The following CLINT1 variants were observed in gnomAD, a reference collection of about 807,000 sequenced individuals.
CLINT1 encodes clathrin interacting protein localized in the trans-Golgi region.
A neutral mutation model predicts 70.4 loss-of-function variants in CLINT1; 15 were observed. That is an observed-to-expected ratio of 0.21 (90% CI 0.14 to 0.33). The LOEUF is 0.33. Among genes scored for constraint, CLINT1 ranks in the 10% least tolerant of loss-of-function variants. The probability of loss-of-function intolerance (pLI) is 1.00; values close to 1 mark genes in which losing one functional copy is unlikely to be tolerated. For missense variants in CLINT1, 615 were observed against 778.1 expected (o/e 0.79, Z 2.49); for synonymous variants, 227 against 254.7 (o/e 0.89, Z 1.04).
intron 1 of CLINT1, among the ~76,000 whole-genome samples, 187 bp downstream of exon 1, chr5:157,858,743 G>C (rs1441788391): frequency 6.6e-6 from 1 of 152,168 alleles, no homozygotes; most frequent in Admixed American, 6.5e-5. Flanking sequence ...TAAAACGAGG[G>C]AGGGTCCCTC....
At chr5:157,809,867 AG>A in intron 5 of CLINT1, 62 bp from the exon 6 acceptor site, 1 of 1,466,498 alleles carries the variant, frequency 6.8e-7, no homozygotes, top group Non-Finnish European at 9.3e-7. Flanking sequence ...GGTATCTACA[AG>A]TCCTTATTTC....
At chr5:157,858,624 AAAC>A (rs1753830616) in intron 1 of CLINT1, among the ~76,000 whole-genome samples, 1 of 152,204 alleles carries the variant, frequency 6.6e-6, no homozygotes, top group Non-Finnish European at 1.5e-5. Flanking sequence ...ACCCAGCGCC[AAAC>A]AACCCGCCCC....
chr5:157,829,835 GC>G (rs1445326810), intron 1 of CLINT1, among the ~76,000 whole-genome samples: 1 of 150,336 alleles, frequency 6.7e-6, no homozygotes, highest in Non-Finnish European at 1.5e-5. Flanking sequence ...GAGCCACTGT[GC>G]CCCGCCAATA....
intron 6 of CLINT1, among the ~76,000 whole-genome samples, chr5:157,807,775 CAAAGA>C (rs1245514997): frequency 6.6e-6 from 1 of 151,708 alleles, no homozygotes; most frequent in Admixed American, 6.6e-5. Context: ...AGTAGAGAGA[CAAAGA>C]AAAGAAAAAC....
chr5:157,849,703 T>C (rs1753504653), intron 1 of CLINT1, among the ~76,000 whole-genome samples: 1 of 152,250 alleles, frequency 6.6e-6, no homozygotes, highest in Non-Finnish European at 1.5e-5. Context: ...GTGCCCAATT[T>C]CCTCATAAGA....
rs554686951 is a variant in CLINT1 at position 157,800,407 on chromosome 5, A to G, written c.1012+3243T>C. ...CACCCAAATGACATACCAAATAGCA[A>G]TGTTAATATGGTAGATTCTTATACC... is the stretch of plus-strand genomic sequence containing the variant. On this transcript the variant is annotated intron_variant, in intron 8 of 11. Transcript: ENST00000411809. Among the ~76,000 whole-genome samples, 5 of 152,260 alleles carry G rather than the reference A, an allele frequency of 3.3e-5. No individual in the cohort carries two copies. The East Asian group carries it at 7.7e-4, about 23-fold the overall frequency.
Position 157,787,476 on chromosome 5 carries a change from T to C in CLINT1, c.*170A>G, listed in dbSNP as rs1228194963. 9.3e-6 allele frequency: 6 copies of C among 647,764 alleles called. No homozygotes were observed. The highest frequency in any genetic ancestry group is 1.3e-5 in the Non-Finnish European group (5 of 380,250). 40.1% of individuals were successfully genotyped at this position (647,764 alleles called of 1,614,324 possible). The stretch of plus-strand genomic sequence containing the variant: ...CATCTGAAGTGCTCTTGCCTGGCCC[T>C]CTGAAATACTGGATATTTCACTTTT... On this transcript the variant is annotated 3_prime_UTR_variant, in exon 12 of 12. Coordinates refer to ENST00000411809, the MANE Select transcript of CLINT1 (RefSeq NM_014666.4).
chr5:157,830,601 C>A (rs1356323548), intron 1 of CLINT1, among the ~76,000 whole-genome samples: 1 of 151,774 alleles, frequency 6.6e-6, no homozygotes, highest in Non-Finnish European at 1.5e-5. Context: ...TAAGGGCTGG[C>A]AAGATGGTTC....
At chr5:157,802,979 C>T (rs529545832) in intron 8 of CLINT1, among the ~76,000 whole-genome samples, 6 of 152,322 alleles carry the variant, frequency 3.9e-5, no homozygotes, top group African/African-American at 1.2e-4. Context: ...ACTTGACCTT[C>T]GCATGAGGAC....
chr5:157,812,053 T>C (rs1176729361), intron 5 of CLINT1, among the ~76,000 whole-genome samples: 1 of 152,170 alleles, frequency 6.6e-6, no homozygotes, highest in Non-Finnish European at 1.5e-5. Context: ...AACTAACTTG[T>C]ATTTGATGCT....
chr5:157,845,419 T>C (rs1385177590), intron 1 of CLINT1, among the ~76,000 whole-genome samples: 1 of 152,130 alleles, frequency 6.6e-6, no homozygotes, highest in Non-Finnish European at 1.5e-5. Context: ...AATTTTTTAA[T>C]TTGTGTGAGG....
intron 10 of CLINT1, chr5:157,789,873 A>C (rs1761849143): frequency 3.1e-6 from 1 of 322,990 alleles, no homozygotes; most frequent in East Asian, 7.2e-5. Context: ...TACAGCTTTA[A>C]GGAGATACAC....
chr5:157,822,104 T>C (rs1043431475), intron 1 of CLINT1, among the ~76,000 whole-genome samples: 1 of 152,196 alleles, frequency 6.6e-6, no homozygotes, highest in Non-Finnish European at 1.5e-5. Flanking sequence ...ACTCTCATAA[T>C]TCCCACGTGT....
chr5:157,809,841 G>T, intron 5 of CLINT1, 36 bp from the exon 6 acceptor site: 3 of 1,573,330 alleles, frequency 1.9e-6, no homozygotes, highest in East Asian at 2.3e-5. Flanking sequence ...CAATTCTAAC[G>T]ACATTAAATT....
chr5:157,803,998 C>T (rs2113170144), intron 7 of CLINT1, among the ~76,000 whole-genome samples: 1 of 149,226 alleles, frequency 6.7e-6, no homozygotes, highest in South Asian at 2.1e-4. Context: ...TATTAACTGC[C>T]AGATCCCACT....
At chr5:157,803,275 G>A (rs796503182) in intron 8 of CLINT1, among the ~76,000 whole-genome samples, 18 of 152,314 alleles carry the variant, frequency 1.2e-4, no homozygotes, top group African/African-American at 4.3e-4. Context: ...GAAAGTACAT[G>A]ATGCCTTGAA....
chr5:157,808,808 G>A (rs1762460666), intron 6 of CLINT1, among the ~76,000 whole-genome samples: 1 of 152,054 alleles, frequency 6.6e-6, no homozygotes, highest in African/African-American at 2.4e-5. Context: ...GAATCATAAT[G>A]AAATGTCAAG....
Position 157,791,994 on chromosome 5 carries a change from T to C in CLINT1, c.1089A>G (p.Val363=). Residue 363 remains valine (V), a splice_region_variant and synonymous_variant, in exon 10 of 12, where the codon GTA becomes GTG. Coordinates refer to ENST00000411809, the MANE Select transcript of CLINT1 (RefSeq NM_014666.4). ...AGTCTCCATTCCCACTTGTTGCTGT[T>C]ACTAAGACAGAAATAACTCTAAGGG... ...AAASGSFPSQ[V]TATSGNGDFG... 1 of 1,611,504 alleles carries C rather than the reference T, an allele frequency of 6.2e-7. No individual in the cohort carries two copies. The highest frequency in any genetic ancestry group is 8.5e-7 in the Non-Finnish European group (1 of 1,178,676).
chr5:157,809,590 T>C (rs1421673963), intron 6 of CLINT1, 38 bp downstream of exon 6: 2 of 1,476,452 alleles, frequency 1.4e-6, no homozygotes, highest in Non-Finnish European at 1.8e-6. Flanking sequence ...AATTTAGGGC[T>C]CTTTCTAAGA....
Sources: gnomAD v4.1 joint callset for allele counts (sites outside exome capture counted in the v4.1 genomes callset) on GRCh38, gnomAD v4.1.1 for gene constraint, MANE v1.5 for transcripts, NCBI Gene and HGNC (gene_info 2026-07-23, HGNC 2026-07-21) for gene names.